The following MYBPC3 variants were observed in gnomAD, a reference collection of about 807,000 sequenced individuals.
MYBPC3 encodes the protein myosin binding protein C3.
In MYBPC3, 108 loss-of-function variants were observed where a neutral mutation model predicts 159.3. The observed-to-expected ratio is 0.68, with a 90% CI of 0.58 to 0.80. The LOEUF is 0.80. Among genes scored for constraint, MYBPC3 ranks in the 30% least tolerant of loss-of-function variants. The pLI is 0.00. For missense variants in MYBPC3, 1,631 were observed against 1,762.1 expected, an observed-to-expected ratio of 0.93 and a Z score of 1.33; for synonymous variants, 730 against 702.0, an observed-to-expected ratio of 1.04 and a Z score of -0.63.
intron 6 of MYBPC3, 79 bp downstream of exon 6, chr11:47,348,345 C>T (rs887557248): frequency 3.7e-6 from 4 of 1,076,910 alleles, no homozygotes; most frequent in Non-Finnish European, 5.5e-6. Context: ...AGGCATCCTC[C>T]TTAGTGTTGG....
intron 27 of MYBPC3, 93 bp from the exon 28 acceptor site, chr11:47,334,103 CT>C (rs2095880085): frequency 1.6e-6 from 2 of 1,287,076 alleles, no homozygotes; most frequent in South Asian, 2.7e-5. Flanking sequence ...GCCCAGAGAG[CT>C]GCAGCTAAGA....
intron 6 of MYBPC3, 50 bp downstream of exon 6, chr11:47,348,374 C>T (rs998182333): frequency 5.8e-6 from 8 of 1,380,866 alleles, no homozygotes; most frequent in African/African-American, 2.9e-5. Context: ...GGTAGGAGAC[C>T]AGGACCCATG....
rs150291001 is a variant in MYBPC3 at position 47,350,048 on chromosome 11, G to A, written c.471C>T (p.Phe157=). ...PGAPDDPIGL[F]VMRPQDGEVT... ...CCTCGCCATCCTGTGGCCGCATCAC[G>A]AAGAGGCCAATGGGGTCATCGGGGG... Residue 157 remains phenylalanine, a synonymous_variant, in exon 4 of 35, where the codon TTC becomes TTT. Coordinates refer to ENST00000545968, the MANE Select transcript of MYBPC3 (RefSeq NM_000256.3). 3.7e-4 allele frequency: 573 copies of A among 1,564,150 alleles called. No homozygotes were observed. The highest frequency in any genetic ancestry group is 6.7e-4 in the South Asian group (57 of 84,894).
chr11:47,349,501 C>T (rs1374687617), intron 5 of MYBPC3, among the ~76,000 whole-genome samples: 2 of 149,186 alleles, frequency 1.3e-5, no homozygotes, highest in Admixed American at 1.3e-4. Flanking sequence ...CCCGGCCAAA[C>T]CTTATTAGGT....
intron 13 of MYBPC3, 105 bp downstream of exon 13, chr11:47,343,387 T>G: frequency 2.7e-6 from 4 of 1,487,958 alleles, no homozygotes; most frequent in Non-Finnish European, 3.6e-6. Context: ...GAGATGGGGC[T>G]GAGAGCCACA....
chr11:47,347,504 G>C, intron 8 of MYBPC3, 25 bp from the exon 9 acceptor site: 1 of 1,590,470 alleles, frequency 6.3e-7, no homozygotes, highest in Non-Finnish European at 8.6e-7. Flanking sequence ...CCCCAGTGAG[G>C]CTGCAGTGAG....
rs11570069 is a variant in MYBPC3, at chr11:47,343,850, G to A, written c.1091-226C>T. On this transcript the variant is annotated intron_variant, in intron 12 of 34. Coordinates refer to ENST00000545968, the MANE Select transcript of MYBPC3 (RefSeq NM_000256.3). ...GTTGGCCAGGCTGGAGTGCAATGGCGCCATCTTGGCTCACTGCAACCTCTG... is the reference window on the plus strand; with the variant it reads ...GTTGGCCAGGCTGGAGTGCAATGGCACCATCTTGGCTCACTGCAACCTCTG... 1.1e-3 allele frequency among the ~76,000 whole-genome samples: 175 copies of A among 152,298 alleles called. No individual in the cohort carries two copies. In the Middle Eastern group the frequency reaches 0.024, roughly 21 times the overall value.
Position 47,342,623 on chromosome 11 carries a change from G to A in MYBPC3, c.1579C>T (p.Leu527=). The A allele has an allele frequency of 6.2e-7, 1 of 1,613,904 alleles. No homozygotes were observed. Among genetic ancestry groups the A allele is most frequent in the African/African-American group, 1.3e-5 (1 of 75,060 alleles). Residue 527 remains leucine (L), a synonymous_variant, in exon 17 of 35, where the codon CTG becomes TTG. Coordinates refer to ENST00000545968, the MANE Select transcript of MYBPC3 (RefSeq NM_000256.3). ...AGCGCCTGGCCCCCGCTAGTGCACAGTGCATAGTGCCCCGCGTCCTCCAGC... is the reference window on the plus strand; with the variant it reads ...AGCGCCTGGCCCCCGCTAGTGCACAATGCATAGTGCCCCGCGTCCTCCAGC... ...AMLEDAGHYA[L]CTSGGQALAE...
At position 47,346,436 on chromosome 11, in the gene MYBPC3, GC is replaced by G. The variant is rs1241271361; in HGVS notation, c.927-67del. 4.4e-5 allele frequency: 65 copies of G among 1,484,006 alleles called. 1 individual carries two copies. In the East Asian group the frequency reaches 1.6e-3, roughly 36 times the overall value. 91.9% of individuals were successfully genotyped at this position (1,484,006 alleles called of 1,614,324 possible). On this transcript the variant is annotated intron_variant, in intron 11 of 34. Coordinates refer to ENST00000545968, the MANE Select transcript of MYBPC3 (RefSeq NM_000256.3). The surrounding 1 kb of genome is among the most constrained non-coding windows in gnomAD (Gnocchi z 5.3). ...CAGCCCCCTGGGCGGGGCTTCCTGG[GC>G]CCAGGACCAAGGAGCTGTAGCCACC...
Position 47,347,861 on chromosome 11 carries a change from G to C in MYBPC3, c.817C>G (p.Arg273Gly). ...GDLDLLSAFR[R>G]TSLAGGGRRI... ...GCCCTGAGGATGGCCACTCACGTGC[G>C]GCGGAAGGCTGATAGGAGGTCCAGG... Residue 273 changes from arginine to glycine, a missense_variant, in exon 7 of 35, where the codon CGC becomes GGC. Transcript: ENST00000545968. The C allele has an allele frequency of 6.4e-7, 1 of 1,566,504 alleles. No individual in the cohort carries two copies.
At chr11:47,343,372 C>T (rs907672942) in intron 13 of MYBPC3, 110 bp from the exon 14 acceptor site, 55 of 1,483,174 alleles carry the variant, frequency 3.7e-5, no homozygotes, top group Non-Finnish European at 4.9e-5. Context: ...GAAATTAGGC[C>T]CAGAGAGATG....
At position 47,347,845 on chromosome 11, in the gene MYBPC3, A is replaced by G. The variant is rs1241124610; in HGVS notation, c.821+12T>C. 2 of 1,561,774 alleles carry G rather than the reference A, an allele frequency of 1.3e-6. No homozygotes were observed. Among genetic ancestry groups the G allele is most frequent in the African/African-American group, 2.7e-5 (2 of 73,538 alleles). On this transcript the variant is annotated intron_variant, in intron 7 of 34. Transcript: ENST00000545968. The stretch of plus-strand genomic sequence containing the variant: ...CACTGGCCTCCCCCAGGCCCTGAGG[A>G]TGGCCACTCACGTGCGGCGGAAGGC...
intron 12 of MYBPC3, among the ~76,000 whole-genome samples, chr11:47,345,504 C>T (rs1166986453): frequency 4.6e-5 from 7 of 152,150 alleles, no homozygotes; most frequent in Non-Finnish European, 8.8e-5. Flanking sequence ...TGGAAGCTGA[C>T]CCCTCCATTC....
At position 47,350,054 on chromosome 11, in the gene MYBPC3, G is replaced by A. The variant is rs1381779840; in HGVS notation, c.465C>T (p.Gly155=). 2 of 1,564,568 alleles carry A rather than the reference G, an allele frequency of 1.3e-6. No individual in the cohort carries two copies. The highest frequency in any genetic ancestry group is 4.8e-5 in the East Asian group (2 of 41,906). Residue 155 remains glycine, a synonymous_variant, in exon 4 of 35, where the codon GGC becomes GGT. Transcript: ENST00000545968. ...PTPGAPDDPI[G]LFVMRPQDGE... is the part of the protein sequence containing the mutation. ...CATCCTGTGGCCGCATCACGAAGAG[G>A]CCAATGGGGTCATCGGGGGCTCCAG...
At chr11:47,336,575 T>C in intron 25 of MYBPC3, among the ~76,000 whole-genome samples, 1 of 150,132 alleles carries the variant, frequency 6.7e-6, no homozygotes, top group East Asian at 2.0e-4. Flanking sequence ...GTGAGTTGAC[T>C]AAGAACTGAA....
At chr11:47,349,386 G>A (rs1456504694) in intron 5 of MYBPC3, among the ~76,000 whole-genome samples, 1 of 152,114 alleles carries the variant, frequency 6.6e-6, no homozygotes, top group Non-Finnish European at 1.5e-5. Flanking sequence ...TGAGCCCTTA[G>A]CCCTGATACT....
In MYBPC3 at chr11:47,349,783, G is replaced by A. The variant is rs397516064; in HGVS notation, c.645C>T (p.Arg215=). The A allele has an allele frequency of 2.9e-5, 47 of 1,605,530 alleles. No individual in the cohort carries two copies. Among genetic ancestry groups the A allele is most frequent in the Admixed American group, 1.0e-4 (6 of 59,902 alleles). Residue 215 remains arginine (R), a synonymous_variant, in exon 5 of 35, where the codon CGC becomes CGT. Transcript: ENST00000545968. ...QHLQLHDSYD[R]ASKVYLFELH... ...ACCCCGGTGGACCCACCTTGCTGGC[G>A]CGGTCGTAGCTGTCGTGCAGCTGCA...
rs1337610261 is a variant in MYBPC3 at position 47,331,652 on chromosome 11, CAGT to C, written c.*88_*90del. 1 of 601,062 alleles carries C rather than the reference CAGT, an allele frequency of 1.7e-6. No individual in the cohort carries two copies. The highest frequency in any genetic ancestry group is 2.9e-6 in the Non-Finnish European group (1 of 343,134). The allele number at this position is 601,062 out of a possible 1,614,324, so 37.2% of individuals were successfully genotyped here. On this transcript the variant is annotated 3_prime_UTR_variant, in exon 35 of 35. Coordinates refer to ENST00000545968, the MANE Select transcript of MYBPC3 (RefSeq NM_000256.3). ...ACACACTTGTCACACATACATCCAA[CAGT>C]AGGGAGGGGTTTCCCCAACTTCCCT...
chr11:47,351,194 T>G lies in MYBPC3; in HGVS notation c.292+45A>C. On this transcript the variant is annotated intron_variant, in intron 2 of 34. Coordinates refer to ENST00000545968, the MANE Select transcript of MYBPC3 (RefSeq NM_000256.3). This position sits in a 1 kb window ranked among gnomAD's most constrained non-coding sequence, Gnocchi z 4.2. ...GGATGGAGAGTCGCTGGGCTGCCCC[T>G]CCCCCAGCAGCCCAAACCTCAGGGA... 20 of 802,538 alleles carry G rather than the reference T, an allele frequency of 2.5e-5. No homozygotes were observed. The highest frequency in any genetic ancestry group is 3.4e-5 in the Non-Finnish European group (18 of 537,018). The allele number at this position is 802,538 out of a possible 1,614,324, so 49.7% of individuals were successfully genotyped here. A position where few individuals can be genotyped will look rare whatever the true frequency, so the allele number is the denominator to read the frequency against.
Sources: gnomAD v4.1 joint callset for allele counts (sites outside exome capture counted in the v4.1 genomes callset) on GRCh38, gnomAD v4.1.1 for gene constraint, Gnocchi (gnomAD v3.1) non-coding constraint, MANE v1.5 for transcripts, NCBI Gene and HGNC (gene_info 2026-07-23, HGNC 2026-07-21) for gene names.